The following EXOC6 variants were observed in gnomAD, a reference collection of about 807,000 sequenced individuals.
EXOC6 encodes SEC15-like 1.
A neutral mutation model predicts 112.5 loss-of-function variants in EXOC6; 60 were observed. The ratio of observed to expected loss-of-function variants is 0.53; its 90% CI spans 0.43 to 0.66. The LOEUF (loss-of-function observed/expected upper bound fraction) is 0.66, where lower values mean the gene tolerates loss of function less well. EXOC6 is among the 30% of genes least tolerant of loss of function. The pLI, the probability that EXOC6 is intolerant of heterozygous loss-of-function variation, is 0.00. For missense variants in EXOC6, 855 were observed against 957.1 expected (o/e 0.89, Z 1.41); for synonymous variants, 295 against 308.0 (o/e 0.96, Z 0.44).
chr10:92,994,503 T>C (rs1571034), intron 18 of EXOC6, among the ~76,000 whole-genome samples: 41,952 of 152,040 alleles, frequency 0.28, 6,773 homozygotes, highest in East Asian at 0.74. Context: ...TTTTTACTTA[T>C]TTATTGAACT....
At chr10:93,028,760 G>C (rs1192220822) in intron 20 of EXOC6, among the ~76,000 whole-genome samples, 1 of 151,462 alleles carries the variant, frequency 6.6e-6, no homozygotes, top group East Asian at 1.9e-4. Context: ...CTTGAACCTG[G>C]GAGGCGGAGG....
rs1054718064 is a variant in EXOC6 at position 92,902,888 on chromosome 10, G to A, written c.458+3244G>A. Among the ~76,000 whole-genome samples the A allele has an allele frequency of 3.3e-5, 5 of 151,864 alleles. No homozygotes were observed. The East Asian group carries it at 7.7e-4, about 23-fold the overall frequency. On this transcript the variant is annotated intron_variant, in intron 5 of 21. Coordinates refer to ENST00000260762, the MANE Select transcript of EXOC6 (RefSeq NM_019053.6). ...ACTCCCGATAATGTTTTTAAAATTC[G>A]TCTGTGGTTGCATAATTTCTTTTTA...
At chr10:92,996,240 T>C (rs1352461178) in intron 18 of EXOC6, among the ~76,000 whole-genome samples, 1 of 152,224 alleles carries the variant, frequency 6.6e-6, no homozygotes, top group Non-Finnish European at 1.5e-5. Context: ...CATTCCATCA[T>C]GAAATCACAT....
chr10:92,997,705 A>C, intron 19 of EXOC6, 90 bp downstream of exon 19: 1 of 1,155,682 alleles, frequency 8.7e-7, no homozygotes, highest in Non-Finnish European at 1.2e-6. Context: ...TAGTTCAGAA[A>C]GGAGGGAGAA....
intron 18 of EXOC6, among the ~76,000 whole-genome samples, chr10:92,990,748 TTATC>T (rs1843196498): frequency 6.6e-6 from 1 of 152,066 alleles, no homozygotes; most frequent in African/African-American, 2.4e-5. Flanking sequence ...CCAGCATGCA[TTATC>T]TGTTTATCCC....
intron 20 of EXOC6, among the ~76,000 whole-genome samples, chr10:93,016,361 G>T (rs890669401): frequency 6.6e-6 from 1 of 151,084 alleles, no homozygotes. Context: ...GGCTGGTCTC[G>T]AACTCCCGGC....
intron 18 of EXOC6, among the ~76,000 whole-genome samples, chr10:92,996,943 AT>A (rs1487556185): frequency 2.6e-5 from 4 of 152,190 alleles, no homozygotes; most frequent in Non-Finnish European, 4.4e-5. Context: ...AAGCTATGCT[AT>A]AGACTAATGT....
chr10:92,834,862 G>A lies in EXOC6; in HGVS notation c.86+38G>A, dbSNP rs758945887. The stretch of plus-strand genomic sequence containing the variant: ...TGCATTTTATTGTGTCTTCTTTAGC[G>A]GTGATAAGGTGGTCCTTTACCCTGC... On this transcript the variant is annotated intron_variant, in intron 1 of 21. Coordinates refer to the EXOC6 transcript ENST00000371552. 32 of 1,262,196 alleles carry A rather than the reference G, an allele frequency of 2.5e-5. 1 individual carries two copies. The South Asian group carries it at 3.5e-4, about 14-fold the overall frequency. 78.2% of individuals were successfully genotyped at this position (1,262,196 alleles called of 1,614,324 possible).
At chr10:92,893,281 C>T in intron 1 of EXOC6, 68 bp from the exon 2 acceptor site, 11 of 1,155,728 alleles carry the variant, frequency 9.5e-6, no homozygotes, top group Non-Finnish European at 1.1e-5. Flanking sequence ...AAGATATCAC[C>T]TCTTGCAAAG....
At chr10:92,842,936 G>T (rs1018024632) in intron 1 of EXOC6, among the ~76,000 whole-genome samples, 2 of 152,188 alleles carry the variant, frequency 1.3e-5, no homozygotes, top group Admixed American at 6.5e-5. Flanking sequence ...TGATGACAGG[G>T]TATTGAACCA....
At chr10:93,014,396 C>A in intron 20 of EXOC6, 129 bp downstream of exon 20, 1 of 696,456 alleles carries the variant, frequency 1.4e-6, no homozygotes, top group African/African-American at 1.8e-5. Context: ...AAAATCCTTC[C>A]TTGGTAACTA....
In EXOC6 at chr10:92,935,897, C is replaced by A; in HGVS notation, c.1212+12C>A. 4.6e-6 allele frequency: 7 copies of A among 1,520,042 alleles called. No individual in the cohort carries two copies. The highest frequency in any genetic ancestry group is 6.4e-6 in the Non-Finnish European group (7 of 1,099,982). The allele number at this position is 1,520,042 out of a possible 1,614,324, so 94.2% of individuals were successfully genotyped here. ...CAGATACTTTACAGGTGGGTGATAACCTAACAATTAATGGTTATTCTGATC... is the reference window on the plus strand; with the variant it reads ...CAGATACTTTACAGGTGGGTGATAAACTAACAATTAATGGTTATTCTGATC... On this transcript the variant is annotated intron_variant, in intron 12 of 21. Coordinates refer to ENST00000260762, the MANE Select transcript of EXOC6 (RefSeq NM_019053.6).
chr10:92,863,550 G>A (rs1848009837), intron 1 of EXOC6, among the ~76,000 whole-genome samples: 1 of 152,162 alleles, frequency 6.6e-6, no homozygotes, highest in African/African-American at 2.4e-5. Context: ...GCCAAGGCGG[G>A]AAGGATTGCT....
intron 1 of EXOC6, among the ~76,000 whole-genome samples, chr10:92,849,054 C>T (rs1044247753): frequency 1.3e-5 from 2 of 152,102 alleles, no homozygotes; most frequent in African/African-American, 2.4e-5. Flanking sequence ...AGCAGGCACC[C>T]GGCGTGACGG....
intron 5 of EXOC6, among the ~76,000 whole-genome samples, chr10:92,908,289 A>G (rs1373069176): frequency 1.3e-5 from 2 of 151,958 alleles, no homozygotes; most frequent in Non-Finnish European, 2.9e-5. Flanking sequence ...TCTTGATCTC[A>G]GGTGACCCGC....
intron 1 of EXOC6, among the ~76,000 whole-genome samples, chr10:92,865,725 A>G (rs972441550): frequency 6.6e-5 from 10 of 152,066 alleles, no homozygotes; most frequent in African/African-American, 2.2e-4. Flanking sequence ...GGCCTGGCCG[A>G]GTATCACTTT....
chr10:92,915,587 T>TTA (rs1457354741), intron 6 of EXOC6, among the ~76,000 whole-genome samples, 171 bp from the exon 7 acceptor site: 19 of 140,438 alleles, frequency 1.4e-4, no homozygotes, highest in Admixed American at 8.7e-4. Flanking sequence ...TTTTTTTTTT[T>TTA]AAAAAAAGGA....
chr10:92,872,960 T>G (rs903057200), intron 1 of EXOC6, among the ~76,000 whole-genome samples: 1 of 152,192 alleles, frequency 6.6e-6, no homozygotes, highest in Non-Finnish European at 1.5e-5. Flanking sequence ...AGATCTGCTG[T>G]AGTCAGTCTG....
chr10:93,014,235 A>G lies in EXOC6; in HGVS notation c.2137A>G (p.Thr713Ala). 1.9e-6 allele frequency: 3 copies of G among 1,613,436 alleles called. No individual in the cohort carries two copies. The highest frequency in any genetic ancestry group is 2.5e-6 in the Non-Finnish European group (3 of 1,179,706). Residue 713 changes from threonine (T) to alanine (A), a missense_variant, in exon 20 of 22, where the codon ACC (threonine) becomes GCC (alanine). Physicochemically the swap from Thr to Ala is moderately conservative, Grantham distance 58 (BLOSUM62 0). Around this residue, in one of 2 missense-constraint regions of EXOC6, gnomAD observed 450 missense variants for 563.5 expected, o/e 0.80. Transcript: ENST00000260762. ...SEPVPGFQGD[T>A]LQLAFIDLRQ... is the part of the protein sequence containing the mutation. ...GCCTGTGCCAGGATTCCAGGGGGAT[A>G]CCCTGCAGCTAGCATTCATTGACCT...
Sources: gnomAD v4.1 joint callset for allele counts (sites outside exome capture counted in the v4.1 genomes callset) on GRCh38, gnomAD v4.1.1 for gene constraint, gnomAD v4.1.1 regional missense constraint, MANE v1.5 for transcripts, NCBI Gene and HGNC (gene_info 2026-07-23, HGNC 2026-07-21) for gene names.